The following SETX variants were observed in gnomAD, a reference collection of about 807,000 sequenced individuals.
SETX encodes helicase senataxin.
A neutral mutation model predicts 227.2 loss-of-function variants in SETX; 90 were observed. The ratio of observed to expected loss-of-function variants is 0.40; its 90% CI spans 0.33 to 0.47. The LOEUF (loss-of-function observed/expected upper bound fraction) is 0.47. Among genes scored for constraint, SETX ranks in the 20% least tolerant of loss-of-function variants. The probability of loss-of-function intolerance (pLI) is 0.91; values close to 1 mark genes in which losing one functional copy is unlikely to be tolerated. For synonymous variants in SETX, 1,210 were observed against 1,113.2 expected (o/e 1.09, Z -1.73); for missense variants, 3,052 against 3,181.5 (o/e 0.96, Z 0.98).
intron 25 of SETX, among the ~76,000 whole-genome samples, chr9:132,265,629 TTC>T (rs1461201524): frequency 1.3e-5 from 2 of 152,168 alleles, no homozygotes; most frequent in Non-Finnish European, 2.9e-5. Context: ...AAATAAAAAA[TTC>T]TGTTCCTAAA....
chr9:132,307,233 G>A (rs1845385643), intron 11 of SETX, among the ~76,000 whole-genome samples: 1 of 152,096 alleles, frequency 6.6e-6, no homozygotes, highest in African/African-American at 2.4e-5. Flanking sequence ...CAGCCTGGGC[G>A]ACAGAGCAAG....
chr9:132,322,771 G>A (rs1260488643), intron 10 of SETX, among the ~76,000 whole-genome samples: 1 of 151,980 alleles, frequency 6.6e-6, no homozygotes, highest in African/African-American at 2.4e-5. Context: ...ACACTAAAAT[G>A]AACAGGAAAA....
chr9:132,290,957 T>C (rs1844262797), intron 15 of SETX, among the ~76,000 whole-genome samples: 1 of 152,196 alleles, frequency 6.6e-6, no homozygotes, highest in South Asian at 2.1e-4. Context: ...ATTTGTTTAC[T>C]GTCTATCTCC....
chr9:132,286,814 A>AT (rs1843929469), intron 17 of SETX, among the ~76,000 whole-genome samples: 2 of 152,260 alleles, frequency 1.3e-5, no homozygotes. Context: ...AGTGATGGGC[A>AT]TCTAACACAG....
In SETX at chr9:132,334,615, T is replaced by A. The variant is rs1847473069; in HGVS notation, c.831A>T (p.Glu277Asp). ...GCAAGTAAAGTTTATTACCATCTGC[T>A]TCCCTCTCCATAGTGTGAAGTATCG... Reference protein sequence around the residue: ...MQSILHTMEREADDDSVDPFW... With the variant: ...MQSILHTMERDADDDSVDPFW... The change falls in exon 7 of 26, where the codon GAA (glutamate) becomes GAT (aspartate). Residue 277 changes from glutamate to aspartate, a missense_variant. By Grantham distance (45) the Glu-to-Asp change is conservative. Transcript: ENST00000224140. 3 of 1,613,956 alleles carry A rather than the reference T, an allele frequency of 1.9e-6. No individual in the cohort carries two copies. The highest frequency in any genetic ancestry group is 2.5e-6 in the Non-Finnish European group (3 of 1,179,956).
Position 132,326,950 on chromosome 9 carries a change from T to C in SETX, c.4648A>G (p.Lys1550Glu). The C allele has an allele frequency of 1.2e-6, 2 of 1,614,238 alleles. No homozygotes were observed. Among genetic ancestry groups the C allele is most frequent in the Non-Finnish European group, 1.7e-6 (2 of 1,180,040 alleles). ...GTGGTTTCAAGACAATCTTTGTACT[T>C]ACACTTTGTGCCACTCAAAGATTCC... Reference protein sequence around the residue: ...QLESLSGTKCKYKDCLETTKN... With the variant: ...QLESLSGTKCEYKDCLETTKN... Residue 1550 changes from lysine to glutamate, a missense_variant, in exon 10 of 26, where the codon AAG becomes GAG. Physicochemically the swap from Lys to Glu is moderately conservative, Grantham distance 56 (BLOSUM62 1). Coordinates refer to ENST00000224140, the MANE Select transcript of SETX (RefSeq NM_015046.7).
rs2131109788 is a variant in SETX, at chr9:132,264,288, CT to C, written c.7984del (p.Arg2662GlyfsTer21). ...HTRRNSRWDK[R>X]TLEQEDSSSK... Reference sequence around the variant, plus strand: ...ACTGCTGTCCTCCTGCTCCAGTGTCCTCTTGTCCCACCTAGAGTTCCTCCTG... The same window carrying C: ...ACTGCTGTCCTCCTGCTCCAGTGTCCCTTGTCCCACCTAGAGTTCCTCCTG... On this transcript the variant is annotated frameshift_variant, in exon 26 of 26. Coordinates refer to ENST00000224140, the MANE Select transcript of SETX (RefSeq NM_015046.7). LOFTEE classifies it low-confidence loss of function (END_TRUNC). The C allele has an allele frequency of 1.9e-6, 3 of 1,614,192 alleles. No homozygotes were observed. The highest frequency in any genetic ancestry group is 2.5e-6 in the Non-Finnish European group (3 of 1,180,030).
intron 4 of SETX, among the ~76,000 whole-genome samples, chr9:132,345,519 C>G (rs1416408665): frequency 6.6e-6 from 1 of 152,188 alleles, no homozygotes; most frequent in African/African-American, 2.4e-5. Context: ...GGTGCTCTGC[C>G]TGCCTCAGCC....
In SETX at chr9:132,326,990, T is replaced by G; in HGVS notation, c.4608A>C (p.Val1536=). The G allele has an allele frequency of 6.2e-7, 1 of 1,614,234 alleles. No homozygotes were observed. Among genetic ancestry groups the G allele is most frequent in the Non-Finnish European group, 8.5e-7 (1 of 1,180,036 alleles). ...TCAAAGATTCCAACTGAGGCCGACTTACAGAATCTTCTTCAACCTCAACTG... is the reference window on the plus strand; with the variant it reads ...TCAAAGATTCCAACTGAGGCCGACTGACAGAATCTTCTTCAACCTCAACTG... ...KDTVEVEEDS[V]SRPQLESLSG... The change falls in exon 10 of 26, where the codon GTA becomes GTC. Residue 1536 remains valine, a synonymous_variant. Transcript: ENST00000224140.
chr9:132,336,821 T>C (rs755376764), intron 5 of SETX, among the ~76,000 whole-genome samples: 2 of 152,228 alleles, frequency 1.3e-5, no homozygotes, highest in African/African-American at 2.4e-5. Flanking sequence ...TTCAGTACTT[T>C]GGGAGGCTGA....
At chr9:132,311,206 C>T (rs528853672) in intron 11 of SETX, among the ~76,000 whole-genome samples, 1 of 152,056 alleles carries the variant, frequency 6.6e-6, no homozygotes, top group Admixed American at 6.6e-5. Context: ...ACCTGGTGAT[C>T]CCCGCCCGCC....
chr9:132,286,067 T>C (rs1418733089), intron 18 of SETX, among the ~76,000 whole-genome samples: 7 of 131,322 alleles, frequency 5.3e-5, no homozygotes, highest in East Asian at 2.3e-4. Context: ...CCTGTAATCC[T>C]AGCTACTCGG....
intron 10 of SETX, among the ~76,000 whole-genome samples, chr9:132,314,877 AATT>A (rs201618792): frequency 3.1e-4 from 46 of 148,532 alleles, no homozygotes; most frequent in Admixed American, 1.4e-3. Flanking sequence ...CTTTAAAAAA[AATT>A]ATTATTATTA....
chr9:132,320,967 C>T (rs1407559888), intron 10 of SETX, among the ~76,000 whole-genome samples: 1 of 151,756 alleles, frequency 6.6e-6, no homozygotes, highest in Non-Finnish European at 1.5e-5. Context: ...GCAACTGTTC[C>T]TCCCTGGTCC....
At chr9:132,282,513 C>T (rs2131207865) in intron 19 of SETX, among the ~76,000 whole-genome samples, 1 of 152,112 alleles carries the variant, frequency 6.6e-6, no homozygotes, top group South Asian at 2.1e-4. Flanking sequence ...TGGTCTCAAA[C>T]TCCTGGGCTC....
chr9:132,292,023 T>A (rs1844346877), intron 15 of SETX, among the ~76,000 whole-genome samples: 1 of 152,296 alleles, frequency 6.6e-6, no homozygotes, highest in South Asian at 2.1e-4. Context: ...ATCTATTAAT[T>A]ACTGATTTAG....
At chr9:132,292,457 T>C (rs1045238677) in intron 15 of SETX, among the ~76,000 whole-genome samples, 6 of 146,316 alleles carry the variant, frequency 4.1e-5, no homozygotes, top group Non-Finnish European at 6.0e-5. Context: ...ATTAGACTTA[T>C]AATCATTAAT....
At position 132,264,758 on chromosome 9, in the gene SETX, A is replaced by G. The variant is rs1304223732; in HGVS notation, c.7515T>C (p.Ala2505=). 6 of 1,614,122 alleles carry G rather than the reference A, an allele frequency of 3.7e-6. No individual in the cohort carries two copies. Among genetic ancestry groups the G allele is most frequent in the African/African-American group, 2.7e-5 (2 of 74,932 alleles). Residue 2505 remains alanine, a synonymous_variant, in exon 26 of 26, where the codon GCT becomes GCC. Transcript: ENST00000224140. ...CAGAGGGTGTGTGGTATAGAGAAGC[A>G]GCAACAGATGTCTTGGCAAATCCAC... ...LDSGFAKTSV[A]ASLYHTPSDS...
rs497650 is a variant in SETX at position 132,346,210 on chromosome 9, G to A, written c.388+51C>T. On this transcript the variant is annotated intron_variant, in intron 4 of 25. Coordinates refer to ENST00000224140, the MANE Select transcript of SETX (RefSeq NM_015046.7). ...ATATAGATAAGCCTAAATTCTTATG[G>A]TACTAAAATAATAAAACTGATATAA... 1 allele frequency: 1,429,809 copies of A among 1,430,886 alleles called. 714,377 individuals are homozygous for A. The highest frequency in any genetic ancestry group is 1 in the East Asian group (43,608 of 43,608). The allele number at this position is 1,430,886 out of a possible 1,614,324, so 88.6% of individuals were successfully genotyped here. A position where few individuals can be genotyped will look rare whatever the true frequency, so the allele number is the denominator to read the frequency against.
Sources: gnomAD v4.1 joint callset for allele counts (sites outside exome capture counted in the v4.1 genomes callset) on GRCh38, gnomAD v4.1.1 for gene constraint, MANE v1.5 for transcripts, NCBI Gene and HGNC (gene_info 2026-07-23, HGNC 2026-07-21) for gene names.